The following SFTPB variants were observed in gnomAD, a reference collection of about 807,000 sequenced individuals.
The protein encoded by SFTPB is surfactant protein B, also known as pulmonary surfactant-associated protein B.
SFTPB carries 32 observed loss-of-function variants against 51.0 expected under a neutral mutation model. That is an observed-to-expected ratio of 0.63 (90% CI 0.47 to 0.84). SFTPB has a LOEUF of 0.84. SFTPB is among the 40% of genes least tolerant of loss of function. The pLI is 0.00. For synonymous variants in SFTPB, 211 were observed against 208.5 expected (o/e 1.01, Z -0.10); for missense variants, 431 against 491.2 (o/e 0.88, Z 1.16).
At chr2:85,667,625 C>T in intron 2 of SFTPB, 54 bp downstream of exon 2, 1 of 1,613,720 alleles carries the variant, frequency 6.2e-7, no homozygotes, top group Non-Finnish European at 8.5e-7. Context: ...CAGAGCCCAC[C>T]CAGCACCCTT....
intron 4 of SFTPB, chr2:85,666,408 C>T (rs1252588298): frequency 1.5e-4 from 66 of 450,390 alleles, no homozygotes; most frequent in South Asian, 2.2e-4. Context: ...TGTGTGTGTC[C>T]GGCCAGCTGG....
At chr2:85,665,139 G>A (rs546306936) in intron 6 of SFTPB, 150 bp downstream of exon 6, 5 of 738,004 alleles carry the variant, frequency 6.8e-6, no homozygotes, top group South Asian at 5.7e-5. Flanking sequence ...TCCCCTGGGT[G>A]GGGGCAATGC....
At chr2:85,668,585 A>G (rs900682987), upstream of SFTPB, 4 of 265,708 alleles carry the variant, frequency 1.5e-5, no homozygotes, top group Non-Finnish European at 2.9e-5. Flanking sequence ...TCTACTCTTG[A>G]GCAATGCTCT....
At chr2:85,668,298 C>T (rs571174761), upstream of SFTPB, 88 of 1,009,700 alleles carry the variant, frequency 8.7e-5, 1 homozygote, top group East Asian at 2.1e-3. Context: ...CTCTGAAGAG[C>T]CCTCCAGGTG....
At position 85,668,150 on chromosome 2, in the gene SFTPB, G is replaced by T; in HGVS notation, c.34C>A (p.Leu12Met). The T allele has an allele frequency of 6.4e-7, 1 of 1,551,260 alleles. No individual in the cohort carries two copies. ...AESHLLQWLL[L>M]LLPTLCGPGT... is the part of the protein sequence containing the mutation. ...GGGCCACAGAGCGTGGGCAGCAGCA[G>T]CAGCAGCCACTGCAGCAGGTGTGAC... Residue 12 changes from leucine (L) to methionine (M), a missense_variant, in exon 1 of 11, where the codon CTG becomes ATG. Leu to Met is a conservative substitution (Grantham distance 15, BLOSUM62 2). Transcript: ENST00000519937.
chr2:85,667,781 G>A lies in SFTPB; in HGVS notation c.93C>T (p.Ala31=). 1 of 1,614,288 alleles carries A rather than the reference G, an allele frequency of 6.2e-7. No homozygotes were observed. The highest frequency in any genetic ancestry group is 8.5e-7 in the Non-Finnish European group (1 of 1,180,054). ...GTAAWTTSSL[A]CAQGPEFWCQ... is the part of the protein sequence containing the mutation. The stretch of plus-strand genomic sequence containing the variant: ...ACCAGAACTCAGGGCCCTGGGCACA[G>A]GCCAAGGATGAGGTGGTCCAGGCAG... Residue 31 remains alanine, a synonymous_variant, in exon 2 of 11, where the codon GCC becomes GCT. Transcript: ENST00000519937.
intron 10 of SFTPB, among the ~76,000 whole-genome samples, chr2:85,660,314 T>C (rs1450270589): frequency 2.1e-5 from 3 of 143,882 alleles, no homozygotes; most frequent in Non-Finnish European, 4.6e-5. Flanking sequence ...TTTTTTTTTT[T>C]AGTAGATACG....
intron 4 of SFTPB, among the ~76,000 whole-genome samples, chr2:85,666,264 G>A (rs1244886553): frequency 1.5e-5 from 2 of 136,894 alleles, no homozygotes; most frequent in African/African-American, 5.3e-5. Flanking sequence ...GCTGGCTGGG[G>A]TACTGTGTGG....
chr2:85,665,260 T>G (rs1241232901), intron 6 of SFTPB, 29 bp downstream of exon 6: 1 of 1,534,338 alleles, frequency 6.5e-7, no homozygotes, highest in Non-Finnish European at 9.0e-7. Context: ...CGTGTGCTCC[T>G]GGGCTCTGTG....
At chr2:85,663,080 G>C (rs1009131086) in intron 8 of SFTPB, among the ~76,000 whole-genome samples, 1 of 152,114 alleles carries the variant, frequency 6.6e-6, no homozygotes, top group African/African-American at 2.4e-5. Flanking sequence ...CCAGGCCTCT[G>C]AAGGCTTGCC....
intron 8 of SFTPB, among the ~76,000 whole-genome samples, chr2:85,662,728 C>T (rs534794883): frequency 6.6e-6 from 1 of 151,650 alleles, no homozygotes; most frequent in Non-Finnish European, 1.5e-5. Flanking sequence ...GTAATCCCAG[C>T]TACTCAAGAG....
chr2:85,665,202 G>C, intron 6 of SFTPB, 87 bp downstream of exon 6: 1 of 1,018,578 alleles, frequency 9.8e-7, no homozygotes, highest in Non-Finnish European at 1.6e-6. Flanking sequence ...GTCCTGACGG[G>C]GGTGTGAGTT....
chr2:85,668,654 C>T (rs1347199656), upstream of SFTPB: 7 of 180,254 alleles, frequency 3.9e-5, no homozygotes, highest in East Asian at 2.9e-4. Context: ...AGACCCAGGA[C>T]ACTCTCACCA....
At chr2:85,659,920 T>C (rs1026337372) in intron 10 of SFTPB, among the ~76,000 whole-genome samples, 2 of 152,172 alleles carry the variant, frequency 1.3e-5, no homozygotes, top group African/African-American at 4.8e-5. Flanking sequence ...CACATTAAAC[T>C]GGTCCCTGTG....
At chr2:85,667,633 C>T (rs1446011729) in intron 2 of SFTPB, 46 bp downstream of exon 2, 1 of 1,614,098 alleles carries the variant, frequency 6.2e-7, no homozygotes, top group East Asian at 2.2e-5. Context: ...ACCCAGCACC[C>T]TTCATTTCAG....
intron 4 of SFTPB, chr2:85,666,393 G>A: frequency 9.9e-6 from 3 of 302,572 alleles, no homozygotes; most frequent in East Asian, 1.4e-4. Flanking sequence ...CTGGGGTACT[G>A]TGTGTGTGTG....
chr2:85,663,309 G>A, intron 8 of SFTPB, 37 bp downstream of exon 8: 1 of 1,604,766 alleles, frequency 6.2e-7, no homozygotes, highest in Non-Finnish European at 8.5e-7. Flanking sequence ...GCCTTGAACG[G>A]GCCCTGACCA....
At position 85,665,743 on chromosome 2, in the gene SFTPB, C is replaced by T; in HGVS notation, c.445G>A (p.Glu149Lys). The part of the protein sequence containing the change: ...HLGLCKSRQP[E>K]PEQEPGMSDP... ...GACATCCCTGGCTCCTGCTCTGGCT[C>T]TGGCTGCCGGGATTTGCACAGGCCC... is the stretch of plus-strand genomic sequence containing the variant. Residue 149 changes from glutamate (E) to lysine (K), a missense_variant, in exon 5 of 11, where the codon GAG (glutamate) becomes AAG (lysine). By Grantham distance (56) the Glu-to-Lys change is moderately conservative. Coordinates refer to ENST00000519937, the MANE Select transcript of SFTPB (RefSeq NM_000542.5). 6.2e-7 allele frequency: 1 copy of T among 1,614,230 alleles called. No individual in the cohort carries two copies. Among genetic ancestry groups the T allele is most frequent in the Non-Finnish European group, 8.5e-7 (1 of 1,180,034 alleles).
At chr2:85,661,594 C>A in intron 9 of SFTPB, 59 bp from the exon 10 acceptor site, 1 of 1,434,348 alleles carries the variant, frequency 7.0e-7, no homozygotes, top group Middle Eastern at 1.8e-4. Flanking sequence ...CCACACCCAG[C>A]TCTTCCGGGA....
Sources: allele counts gnomAD v4.1 joint callset (sites outside exome capture counted in the v4.1 genomes callset), GRCh38; gene constraint gnomAD v4.1.1; transcripts MANE v1.5; gene names NCBI Gene and HGNC (gene_info 2026-07-23, HGNC 2026-07-21).